PRLR: variants seen among roughly 807,000 people sequenced by gnomAD.
PRLR encodes the protein prolactin receptor.
A neutral mutation model predicts 40.2 loss-of-function variants in PRLR; 13 were observed. The ratio of observed to expected loss-of-function variants is 0.32; its 90% CI spans 0.21 to 0.51. The LOEUF (loss-of-function observed/expected upper bound fraction) is 0.51, where lower values mean the gene tolerates loss of function less well. Among genes scored for constraint, PRLR ranks in the 20% least tolerant of loss-of-function variants. The pLI, the probability that PRLR is intolerant of heterozygous loss-of-function variation, is 0.97. For synonymous variants in PRLR, 269 were observed against 278.7 expected (o/e 0.97, Z 0.35); for missense variants, 656 against 747.3 (o/e 0.88, Z 1.42).
rs781682970 is a variant in PRLR, at chr5:35,065,839, T to G, written c.1119A>C (p.Thr373=). The G allele has an allele frequency of 3.1e-6, 5 of 1,614,122 alleles. No individual in the cohort carries two copies. In the South Asian group the frequency reaches 4.4e-5, roughly 14 times the overall value. ...TCTCAATGACCTCAGGATCATAGAA[T>G]GTGGAGGGATTGGCCTGGGGTTCCT... The part of the protein sequence containing the change: ...KCEEPQANPS[T]FYDPEVIEKP... The change falls in exon 10 of 10, where the codon ACA becomes ACC. Residue 373 remains threonine (T), a synonymous_variant. Coordinates refer to ENST00000618457, the MANE Select transcript of PRLR (RefSeq NM_000949.7).
intron 2 of PRLR, among the ~76,000 whole-genome samples, chr5:35,109,630 T>A (rs1772513278): frequency 6.6e-6 from 1 of 152,192 alleles, no homozygotes; most frequent in African/African-American, 2.4e-5. Flanking sequence ...TCATCATCAC[T>A]GGCCATCAGA....
intron 1 of PRLR, among the ~76,000 whole-genome samples, chr5:35,149,257 C>T (rs1430713761): frequency 2.6e-5 from 4 of 152,120 alleles, no homozygotes; most frequent in African/African-American, 9.7e-5. Flanking sequence ...TGTCTATTAT[C>T]AGTTTTGTTT....
intron 1 of PRLR, among the ~76,000 whole-genome samples, chr5:35,189,424 T>C (rs539355253): frequency 6.6e-6 from 1 of 151,940 alleles, no homozygotes; most frequent in African/African-American, 2.4e-5. Flanking sequence ...TTACTAAAAA[T>C]ACAAAAATTA....
chr5:35,167,138 CATCTATCTATCTATCTATCTATCT>C (rs10524859), intron 1 of PRLR, among the ~76,000 whole-genome samples: 1 of 147,270 alleles, frequency 6.8e-6, no homozygotes, highest in Non-Finnish European at 1.5e-5. Context: ...GTTTGTCTAT[CATCTATCTATCTATCTATCTATCT>C]ATCTATCTAT....
chr5:35,068,167 T>C, intron 9 of PRLR, 49 bp downstream of exon 9: 1 of 1,482,080 alleles, frequency 6.7e-7, no homozygotes, highest in Non-Finnish European at 9.4e-7. Context: ...TAGAGTTAAT[T>C]ACTACAGAGC....
chr5:35,136,888 G>T (rs373512583), intron 1 of PRLR, among the ~76,000 whole-genome samples: 34 of 151,334 alleles, frequency 2.2e-4, no homozygotes, highest in African/African-American at 7.3e-4. Context: ...ATTCCCACTC[G>T]ATGTTTATGT....
downstream of PRLR, among the ~76,000 whole-genome samples, chr5:35,054,534 G>A (rs10941232): frequency 0.64 from 97,214 of 152,056 alleles, 32,129 homozygotes; most frequent in Non-Finnish European, 0.71. Flanking sequence ...ATATGTATAT[G>A]TACAATTACA....
chr5:35,083,252 A>G (rs1268504936), intron 5 of PRLR, among the ~76,000 whole-genome samples: 1 of 151,802 alleles, frequency 6.6e-6, no homozygotes, highest in Non-Finnish European at 1.5e-5. Flanking sequence ...CTGCTTCACC[A>G]CCCTCTTGAT....
In PRLR at chr5:35,086,245, G is replaced by A; in HGVS notation, c.166C>T (p.Leu56Phe). The part of the protein sequence containing the change: ...CWWRPGTDGG[L>F]PTNYSLTYHR... ...TAAGTCAGTGAATAATTGGTAGGAAGTCCTCCATCTGTCCCAGGCCTCCAC... is the reference window on the plus strand; with the variant it reads ...TAAGTCAGTGAATAATTGGTAGGAAATCCTCCATCTGTCCCAGGCCTCCAC... The change falls in exon 4 of 10, where the codon CTT becomes TTT. Residue 56 changes from leucine to phenylalanine, a missense_variant. Transcript: ENST00000618457. The A allele has an allele frequency of 2.5e-6, 4 of 1,614,022 alleles. No individual in the cohort carries two copies. Among genetic ancestry groups the A allele is most frequent in the Non-Finnish European group, 3.4e-6 (4 of 1,179,954 alleles).
At chr5:35,054,864 A>C (rs1768640511), downstream of PRLR, among the ~76,000 whole-genome samples, 1 of 152,210 alleles carries the variant, frequency 6.6e-6, no homozygotes, top group African/African-American at 2.4e-5. Context: ...GCATTTTAAA[A>C]ATAGCTGGGA....
chr5:35,210,993 A>G (rs1776154702), intron 1 of PRLR, among the ~76,000 whole-genome samples: 1 of 152,204 alleles, frequency 6.6e-6, no homozygotes, highest in African/African-American at 2.4e-5. Context: ...GACTACAGGC[A>G]TGAGCCACTG....
chr5:35,049,014 C>T (rs1433277399), exon 9 of PRLR: 1 of 499,684 alleles, frequency 2.0e-6, no homozygotes, highest in Non-Finnish European at 3.8e-6. Flanking sequence ...CTCCAAATGC[C>T]CATAGGAGGT....
intron 1 of PRLR, among the ~76,000 whole-genome samples, chr5:35,201,708 T>G (rs1186916536): frequency 2.6e-5 from 4 of 152,128 alleles, no homozygotes; most frequent in African/African-American, 4.8e-5. Flanking sequence ...TCTCTTCTCT[T>G]CTCTTCTCCT....
At chr5:35,087,489 G>A (rs1236124620) in intron 3 of PRLR, among the ~76,000 whole-genome samples, 2 of 149,972 alleles carry the variant, frequency 1.3e-5, no homozygotes, top group African/African-American at 4.9e-5. Flanking sequence ...CTTTGGATAC[G>A]TAGGGCTTCA....
intron 2 of PRLR, among the ~76,000 whole-genome samples, chr5:35,117,074 C>A (rs1454673360): frequency 6.6e-6 from 1 of 152,002 alleles, no homozygotes; most frequent in African/African-American, 2.4e-5. Context: ...TGGGAGACAC[C>A]AGGAATGCTG....
chr5:35,070,287 A>G (rs755613981), intron 6 of PRLR, 22 bp from the exon 7 acceptor site: 2 of 1,610,642 alleles, frequency 1.2e-6, no homozygotes, highest in South Asian at 2.2e-5. Context: ...TAAGGAAAAC[A>G]GAAGTCAATT....
chr5:35,137,630 A>G (rs1004027030), intron 1 of PRLR, among the ~76,000 whole-genome samples: 19 of 152,254 alleles, frequency 1.2e-4, no homozygotes, highest in Non-Finnish European at 1.5e-5. Flanking sequence ...ATATCATGAA[A>G]GGTTATTCTC....
chr5:35,219,088 C>T (rs1776354476), intron 1 of PRLR, among the ~76,000 whole-genome samples: 1 of 152,138 alleles, frequency 6.6e-6, no homozygotes. Flanking sequence ...GTGAGGCCTT[C>T]CTGGAGGGGG....
chr5:35,193,428 C>T (rs1775657929), intron 1 of PRLR, among the ~76,000 whole-genome samples: 1 of 152,194 alleles, frequency 6.6e-6, no homozygotes, highest in South Asian at 2.1e-4. Context: ...GGTTCATTCT[C>T]TGTCTTCATT....
Sources: gnomAD v4.1 joint callset for allele counts (sites outside exome capture counted in the v4.1 genomes callset) on GRCh38, gnomAD v4.1.1 for gene constraint, MANE v1.5 for transcripts, NCBI Gene and HGNC (gene_info 2026-07-23, HGNC 2026-07-21) for gene names.